Variants in CELF2 observed in about 807,000 individuals in gnomAD.
The protein encoded by CELF2 is CUG triplet repeat RNA-binding protein 2.
CELF2 carries 8 observed loss-of-function variants against 62.6 expected under a neutral mutation model. That is an observed-to-expected ratio of 0.13 (90% confidence interval 0.07 to 0.23). The LOEUF (loss-of-function observed/expected upper bound fraction) is 0.23. CELF2 is among the 10% of genes least tolerant of loss of function. The pLI, the probability that CELF2 is intolerant of heterozygous loss-of-function variation, is 1.00. For missense variants in CELF2, 333 were observed against 671.0 expected (o/e 0.50, Z 5.56); for synonymous variants, 258 against 250.0 (o/e 1.03, Z -0.30).
the CELF2 span, among the ~76,000 whole-genome samples, chr10:10,494,482 A>G: frequency 7.5e-4 from 115 of 152,330 alleles, 1 homozygote; most frequent in African/African-American, 2.7e-3. Context: ...TTGCTTTCCA[A>G]TAAATGGTGT....
intron 4 of CELF2, 132 bp downstream of exon 4, chr10:11,249,333 T>C: frequency 1.4e-6 from 1 of 702,906 alleles, no homozygotes; most frequent in Non-Finnish European, 2.5e-6. Context: ...CCTGGAATCT[T>C]CTCTGTGGCC....
chr10:10,560,440 G>A, the CELF2 span, among the ~76,000 whole-genome samples: 1 of 152,120 alleles, frequency 6.6e-6, no homozygotes, highest in Non-Finnish European at 1.5e-5. Context: ...TGTGACTTTA[G>A]TCCAGCTTTC....
chr10:10,547,052 A>C, the CELF2 span, among the ~76,000 whole-genome samples: 1 of 152,190 alleles, frequency 6.6e-6, no homozygotes, highest in Non-Finnish European at 1.5e-5. Context: ...GGTTGCAGTG[A>C]GTCGAGATCA....
rs371589658 is a variant in CELF2, at chr10:11,277,233, G to A, written c.841+2113G>A. 2.6e-4 allele frequency among the ~76,000 whole-genome samples: 40 copies of A among 152,220 alleles called. No homozygotes were observed. In the South Asian group the frequency reaches 8.1e-3, roughly 31 times the overall value. On this transcript the variant is annotated intron_variant, in intron 8 of 12. Transcript: ENST00000633077. ...GAAAAGTTTATATGGCCTCTCCTACGCTCTTGTCTTGTCCCAAAAGTAGGG... is the reference window on the plus strand; with the variant it reads ...GAAAAGTTTATATGGCCTCTCCTACACTCTTGTCTTGTCCCAAAAGTAGGG...
chr10:11,017,499 C>T (rs1193476111), upstream of CELF2, among the ~76,000 whole-genome samples: 1 of 152,204 alleles, frequency 6.6e-6, no homozygotes, highest in Non-Finnish European at 1.5e-5. The surrounding 1 kb of genome is among the most constrained non-coding windows in gnomAD (Gnocchi z 5.5). Context: ...CCCTTAGTTC[C>T]TGCCCGGGCA....
the CELF2 span, among the ~76,000 whole-genome samples, chr10:10,566,217 A>C: frequency 5.9e-4 from 90 of 152,048 alleles, no homozygotes; most frequent in African/African-American, 2.1e-3. Flanking sequence ...GGAAAATGTG[A>C]ACCATAATCT....
chr10:10,483,518 A>G, the CELF2 span, among the ~76,000 whole-genome samples: 7 of 152,322 alleles, frequency 4.6e-5, no homozygotes, highest in African/African-American at 1.7e-4. Context: ...GCCAATTATT[A>G]TCTCCAAGAT....
the CELF2 span, among the ~76,000 whole-genome samples, chr10:10,494,830 A>G: frequency 6.6e-6 from 1 of 152,238 alleles, no homozygotes; most frequent in African/African-American, 2.4e-5. Context: ...ATATGAATCT[A>G]CATACAACAA....
At chr10:10,746,321 A>G in the CELF2 span, among the ~76,000 whole-genome samples, 1 of 147,654 alleles carries the variant, frequency 6.8e-6, no homozygotes, top group African/African-American at 2.6e-5. Context: ...TTAATATTCA[A>G]TTATGCATTC....
the CELF2 span, among the ~76,000 whole-genome samples, chr10:10,655,453 A>G: frequency 6.3e-5 from 8 of 127,680 alleles, 2 homozygotes; most frequent in East Asian, 4.0e-4. Flanking sequence ...GAGGCATCAC[A>G]CTACCTGACT....
chr10:10,924,839 G>A (rs2065309404), intron 2 of CELF2, among the ~76,000 whole-genome samples: 1 of 147,608 alleles, frequency 6.8e-6, no homozygotes, highest in Non-Finnish European at 1.5e-5. Context: ...ATTACTGTCT[G>A]AGAGCCGCTA....
rs554357663 is a variant in CELF2 at position 10,888,123 on chromosome 10, C to G, written c.54-31841C>G. On this transcript the variant is annotated intron_variant, in intron 1 of 13. Transcript: ENST00000636488. Reference sequence around the variant, plus strand: ...GTATGTGGGGGATGGTTTAGGATGTCAAGATGTACATGTGCACAAGATTTA... The same window carrying G: ...GTATGTGGGGGATGGTTTAGGATGTGAAGATGTACATGTGCACAAGATTTA... 7.2e-5 allele frequency among the ~76,000 whole-genome samples: 11 copies of G among 152,234 alleles called. 1 individual carries two copies. The South Asian group carries it at 1.0e-3, about 14-fold the overall frequency.
intron 4 of CELF2, among the ~76,000 whole-genome samples, chr10:11,250,677 A>G (rs1024294900): frequency 6.6e-6 from 1 of 152,274 alleles, no homozygotes; most frequent in Non-Finnish European, 1.5e-5. Flanking sequence ...CATTCAGTCT[A>G]CTGATTTAAG....
rs1328596633 is a variant in CELF2 at position 11,329,109 on chromosome 10, G to A, written c.*56G>A. On this transcript the variant is annotated 3_prime_UTR_variant, in exon 13 of 13. Transcript: ENST00000633077. The surrounding 1 kb of genome is among the most constrained non-coding windows in gnomAD (Gnocchi z 5.5). ...TTAGCTTTCTTAGGGTAAGTCCCAC[G>A]AGCCAGCCTGTCTCAACAGGGAAGG... 2.6e-5 allele frequency: 40 copies of A among 1,531,678 alleles called. No individual in the cohort carries two copies. The highest frequency in any genetic ancestry group is 4.7e-5 in the East Asian group (2 of 42,344). The allele number at this position is 1,531,678 out of a possible 1,614,324, so 94.9% of individuals were successfully genotyped here. A position where few individuals can be genotyped will look rare whatever the true frequency, so the allele number is the denominator to read the frequency against.
chr10:10,598,751 CTTTTTTTTT>C, the CELF2 span, among the ~76,000 whole-genome samples: 18 of 69,582 alleles, frequency 2.6e-4, no homozygotes, highest in Non-Finnish European at 4.6e-4. Context: ...CTTTTTCTTT[CTTTTTTTTT>C]TTTTTTTTTT....
the CELF2 span, among the ~76,000 whole-genome samples, chr10:10,556,925 G>A: frequency 4.5e-4 from 62 of 139,292 alleles, no homozygotes; most frequent in South Asian, 1.2e-3. Context: ...TGTAGATTCT[G>A]GATATTAGCC....
At chr10:10,826,597 G>A (rs775934644) in intron 1 of CELF2, among the ~76,000 whole-genome samples, 5 of 152,176 alleles carry the variant, frequency 3.3e-5, no homozygotes, top group Admixed American at 6.5e-5. Flanking sequence ...ACAGAACCCA[G>A]TGATGGAAGC....
intron 5 of CELF2, among the ~76,000 whole-genome samples, chr10:11,266,198 A>G (rs1387875664): frequency 2.0e-5 from 3 of 152,198 alleles, no homozygotes; most frequent in Non-Finnish European, 4.4e-5. Context: ...AAAATTTGAA[A>G]TACAAAGCCC....
In CELF2 at chr10:11,318,107, A is replaced by G. The variant is rs2095170926; in HGVS notation, c.1097-3082A>G. The G allele has an allele frequency of 1.3e-5, 2 of 152,450 alleles. No homozygotes were observed. The highest frequency in any genetic ancestry group is 3.9e-4 in the East Asian group (2 of 5,184). The allele number at this position is 152,450 out of a possible 1,614,324, so 9.4% of individuals were successfully genotyped here. A position where few individuals can be genotyped will look rare whatever the true frequency, so the allele number is the denominator to read the frequency against. On this transcript the variant is annotated intron_variant, in intron 10 of 12. Coordinates refer to ENST00000633077, the MANE Select transcript of CELF2 (RefSeq NM_001326342.2). The surrounding 1 kb of genome is among the most constrained non-coding windows in gnomAD (Gnocchi z 5.4). ...GCTGGGTTGACCAACACTGTCTTTG[A>G]TAGAATTAATCTAGAACAACATCAG...
Sources: gnomAD v4.1 joint callset for allele counts (sites outside exome capture counted in the v4.1 genomes callset) on GRCh38, gnomAD v4.1.1 for gene constraint, Gnocchi (gnomAD v3.1) non-coding constraint, MANE v1.5 for transcripts, NCBI Gene and HGNC (gene_info 2026-07-23, HGNC 2026-07-21) for gene names.